PHACTR3: variants seen among roughly 807,000 people sequenced by gnomAD.
PHACTR3 encodes protein phosphatase 1, regulatory subunit 123.
Under a neutral mutation model 66.8 loss-of-function variants are expected in PHACTR3, and 16 were observed. That is an observed-to-expected ratio of 0.24 (90% CI 0.16 to 0.36). The LOEUF is 0.36. Ranked by LOEUF, PHACTR3 falls within the 10% of genes least tolerant of loss-of-function variation. The pLI, the probability that PHACTR3 is intolerant of heterozygous loss-of-function variation, is 1.00. For missense variants in PHACTR3, 647 were observed against 719.9 expected (o/e 0.90, Z 1.16); for synonymous variants, 323 against 292.1 (o/e 1.11, Z -1.08).
chr20:59,781,370 T>A (rs1165548019), intron 7 of PHACTR3, among the ~76,000 whole-genome samples: 1 of 152,172 alleles, frequency 6.6e-6, no homozygotes, highest in East Asian at 1.9e-4. Context: ...CCAGACCAGG[T>A]TGGGTAACCC....
At chr20:59,647,347 G>A (rs913745397) in intron 1 of PHACTR3, among the ~76,000 whole-genome samples, 2 of 152,208 alleles carry the variant, frequency 1.3e-5, no homozygotes, top group Admixed American at 6.5e-5. Flanking sequence ...CCCTTGACAT[G>A]TGGAGATTAT....
intron 8 of PHACTR3, 32 bp downstream of exon 8, chr20:59,806,226 T>G: frequency 6.2e-7 from 1 of 1,607,582 alleles, no homozygotes; most frequent in Non-Finnish European, 8.5e-7. Flanking sequence ...CAGCCGGGCC[T>G]GTGCTCTGGC....
intron 1 of PHACTR3, among the ~76,000 whole-genome samples, chr20:59,639,775 T>G (rs930606213): frequency 6.6e-6 from 1 of 152,182 alleles, no homozygotes; most frequent in African/African-American, 2.4e-5. Context: ...AGTTGTTAAT[T>G]CCCCTTATCT....
At chr20:59,802,012 G>T (rs1405424931) in intron 7 of PHACTR3, among the ~76,000 whole-genome samples, 1 of 152,188 alleles carries the variant, frequency 6.6e-6, no homozygotes, top group Non-Finnish European at 1.5e-5. Flanking sequence ...CGAATGTCAG[G>T]CTGGGAGTGT....
intron 1 of PHACTR3, among the ~76,000 whole-genome samples, chr20:59,706,129 A>G (rs1390324938): frequency 2.0e-5 from 3 of 152,214 alleles, no homozygotes; most frequent in African/African-American, 7.2e-5. Flanking sequence ...AGATGAAAAC[A>G]GTGACATTAA....
At chr20:59,668,491 G>A (rs2036074598) in intron 1 of PHACTR3, among the ~76,000 whole-genome samples, 1 of 152,106 alleles carries the variant, frequency 6.6e-6, no homozygotes, top group Admixed American at 6.5e-5. Flanking sequence ...CAGGGGTTGT[G>A]CAGATACAGC....
intron 1 of PHACTR3, among the ~76,000 whole-genome samples, chr20:59,620,683 C>G (rs2034199191): frequency 1.3e-5 from 2 of 152,224 alleles, no homozygotes; most frequent in Admixed American, 6.5e-5. Context: ...CCAGGTGCCT[C>G]TGCTCTAAAG....
chr20:59,628,248 T>C (rs946762093), intron 1 of PHACTR3: 2 of 152,260 alleles, frequency 1.3e-5, no homozygotes, highest in African/African-American at 2.4e-5. Context: ...CTCCGAGCCA[T>C]GCGTGTTCCC....
intron 1 of PHACTR3, among the ~76,000 whole-genome samples, chr20:59,616,166 C>T (rs1206980640): frequency 6.6e-6 from 1 of 152,084 alleles, no homozygotes; most frequent in East Asian, 1.9e-4. Context: ...ATATTAATAC[C>T]CCCTTAGACG....
In PHACTR3 at chr20:59,672,616, A is replaced by T. The variant is rs566879753; in HGVS notation, c.118+67484A>T. Among the ~76,000 whole-genome samples, 123 of 152,268 alleles carry T rather than the reference A, an allele frequency of 8.1e-4. 4 individuals carry two copies. In the South Asian group the frequency reaches 0.025, roughly 31 times the overall value. On this transcript the variant is annotated intron_variant, in intron 1 of 12. Coordinates refer to ENST00000371015, the MANE Select transcript of PHACTR3 (RefSeq NM_080672.5). The stretch of plus-strand genomic sequence containing the variant: ...AAGGATGTGAGGATTAAATGGTTTA[A>T]TGTCTGCACTCGGCACATGGAACCT...
intron 1 of PHACTR3, among the ~76,000 whole-genome samples, chr20:59,689,970 TG>T (rs1383372584): frequency 1.1e-4 from 17 of 152,174 alleles, no homozygotes; most frequent in Admixed American, 5.2e-4. Context: ...CCCATCTAAT[TG>T]GGTTTCTGCT....
intron 1 of PHACTR3, among the ~76,000 whole-genome samples, chr20:59,684,766 A>G (rs918022934): frequency 6.6e-6 from 1 of 152,196 alleles, no homozygotes; most frequent in Admixed American, 6.5e-5. Flanking sequence ...CATCGTGCCC[A>G]CAACTGTGCA....
At chr20:59,759,626 C>A (rs1205041992) in intron 4 of PHACTR3, among the ~76,000 whole-genome samples, 1 of 152,172 alleles carries the variant, frequency 6.6e-6, no homozygotes, top group Non-Finnish European at 1.5e-5. Flanking sequence ...AAGCTTGAGG[C>A]CACTGTGAGG....
chr20:59,832,525 G>A (rs959268404), intron 8 of PHACTR3, among the ~76,000 whole-genome samples: 1 of 152,182 alleles, frequency 6.6e-6, no homozygotes, highest in Non-Finnish European at 1.5e-5. Flanking sequence ...CGTATCTCTT[G>A]GTAGTGGGTT....
At chr20:59,625,535 T>C (rs942820188) in intron 1 of PHACTR3, among the ~76,000 whole-genome samples, 1 of 152,116 alleles carries the variant, frequency 6.6e-6, no homozygotes, top group Non-Finnish European at 1.5e-5. Context: ...AGAGATATCA[T>C]TTGTAGGATG....
At chr20:59,645,782 G>A (rs556670643) in intron 1 of PHACTR3, among the ~76,000 whole-genome samples, 20 of 152,138 alleles carry the variant, frequency 1.3e-4, no homozygotes, top group Admixed American at 2.0e-4. Context: ...GTTTCATGTC[G>A]TGACGCTGGA....
chr20:59,823,190 G>A (rs759177437), intron 8 of PHACTR3, among the ~76,000 whole-genome samples: 7 of 152,106 alleles, frequency 4.6e-5, no homozygotes, highest in Non-Finnish European at 5.9e-5. Context: ...AAAATAAAAC[G>A]GTACTTCTCA....
intron 3 of PHACTR3, among the ~76,000 whole-genome samples, chr20:59,753,811 A>G (rs575520027): frequency 6.6e-6 from 1 of 152,354 alleles, no homozygotes; most frequent in African/African-American, 2.4e-5. Context: ...TTGTCCAAAC[A>G]GGACACTTTT....
At position 59,686,529 on chromosome 20, in the gene PHACTR3, GGTGATGATGATGGTC is replaced by G. The variant is rs547912734; in HGVS notation, c.119-56563_119-56549del. On this transcript the variant is annotated intron_variant, in intron 1 of 12. Coordinates refer to ENST00000371015, the MANE Select transcript of PHACTR3 (RefSeq NM_080672.5). ...TGGTGGTGATGATTGTGATGTTGAT[GGTGATGATGATGGTC>G]GTGATGATGATGGTGATGATGATGG... 6.7e-3 allele frequency among the ~76,000 whole-genome samples: 1,017 copies of G among 152,072 alleles called. 9 individuals carry two copies. The highest frequency in any genetic ancestry group is 0.025 in the South Asian group (119 of 4,800).
Sources: allele counts gnomAD v4.1 joint callset (sites outside exome capture counted in the v4.1 genomes callset), GRCh38; gene constraint gnomAD v4.1.1; transcripts MANE v1.5; gene names NCBI Gene and HGNC (gene_info 2026-07-23, HGNC 2026-07-21).